Variants in PLXNA4 observed in about 807,000 individuals in gnomAD.
PLXNA4 encodes plexin-A4.
PLXNA4 carries 44 observed loss-of-function variants against 191.8 expected under a neutral mutation model. The observed-to-expected ratio is 0.23, with a 90% confidence interval of 0.18 to 0.29. PLXNA4 has a LOEUF of 0.29. PLXNA4 is among the 10% of genes least tolerant of loss of function. The pLI, the probability that PLXNA4 is intolerant of heterozygous loss-of-function variation, is 1.00. For synonymous variants in PLXNA4, 1,082 were observed against 1,009.5 expected (o/e 1.07, Z -1.36); for missense variants, 1,800 against 2,488.8 (o/e 0.72, Z 5.89).
At chr7:132,515,138 G>T (rs1563145664) in intron 1 of PLXNA4, among the ~76,000 whole-genome samples, 1 of 152,154 alleles carries the variant, frequency 6.6e-6, no homozygotes, top group Non-Finnish European at 1.5e-5. Context: ...GAAAGTTCTA[G>T]CTCTTCCACC....
intron 3 of PLXNA4, among the ~76,000 whole-genome samples, chr7:132,403,256 T>C (rs536976114): frequency 7.9e-4 from 121 of 152,340 alleles, no homozygotes; most frequent in African/African-American, 2.7e-3. Context: ...ATGCTGGCAA[T>C]GCACTGCCCC....
In PLXNA4 at chr7:132,132,380, TTGTTCTGTTCTGTTCTGTTCTGTTC is replaced by T. The variant is rs1156315109; in HGVS notation, c.5589+644_5589+668del. ...GAACAAAACAGAAAACACATTCTAT[TTGTTCTGTTCTGTTCTGTTCTGTTC>T]TGTTCTGTTCTGTTCTGTTCTGTTC... On this transcript the variant is annotated intron_variant, in intron 31 of 31. Coordinates refer to ENST00000321063, the MANE Select transcript of PLXNA4 (RefSeq NM_020911.2). 1.9e-3 allele frequency among the ~76,000 whole-genome samples: 243 copies of T among 129,014 alleles called. 8 individuals carry two copies. The highest frequency in any genetic ancestry group is 4.6e-3 in the East Asian group (18 of 3,934). The allele number at this position is 129,014 out of a possible 152,430, so 84.6% of individuals were successfully genotyped here. A position where few individuals can be genotyped will look rare whatever the true frequency, so the allele number is the denominator to read the frequency against.
chr7:132,514,242 G>A (rs936151565), intron 1 of PLXNA4, among the ~76,000 whole-genome samples: 2 of 151,402 alleles, frequency 1.3e-5, no homozygotes, highest in East Asian at 2.0e-4. Flanking sequence ...TAGTAGAGAC[G>A]GGGTTTCACC....
chr7:132,411,816 C>G (rs1190268483), intron 3 of PLXNA4, among the ~76,000 whole-genome samples: 1 of 152,212 alleles, frequency 6.6e-6, no homozygotes, highest in Non-Finnish European at 1.5e-5. Context: ...AGCTTGGTCT[C>G]TCATTCACAT....
At chr7:132,356,994 C>T (rs1458878727) in intron 3 of PLXNA4, among the ~76,000 whole-genome samples, 2 of 152,130 alleles carry the variant, frequency 1.3e-5, no homozygotes, top group Non-Finnish European at 2.9e-5. Flanking sequence ...TGTGAAACCA[C>T]CTGTTTCCAA....
chr7:132,592,718 T>C (rs1257156100), intron 2 of PLXNA4, among the ~76,000 whole-genome samples: 1 of 151,964 alleles, frequency 6.6e-6, no homozygotes, highest in Non-Finnish European at 1.5e-5. Context: ...CTGAAGCCCC[T>C]CTCAAATGAA....
intron 3 of PLXNA4, among the ~76,000 whole-genome samples, chr7:132,433,618 C>T (rs1028779843): frequency 1.3e-5 from 2 of 152,144 alleles, no homozygotes; most frequent in Non-Finnish European, 2.9e-5. Context: ...GAAAAGAGAA[C>T]CAGCTGGACA....
At chr7:132,292,702 C>A (rs1800937740) in intron 4 of PLXNA4, among the ~76,000 whole-genome samples, 1 of 152,154 alleles carries the variant, frequency 6.6e-6, no homozygotes, top group Non-Finnish European at 1.5e-5. Context: ...AAGGTCCCTG[C>A]CCTCCAGGAA....
chr7:132,174,683 G>A (rs1325964863), intron 21 of PLXNA4, 95 bp downstream of exon 21: 1 of 1,544,866 alleles, frequency 6.5e-7, no homozygotes, highest in African/African-American at 1.4e-5. Flanking sequence ...CCCCTCCCTG[G>A]CCTTAGTTTT....
chr7:132,210,950 T>A lies in PLXNA4; in HGVS notation c.2291A>T (p.Asn764Ile). 6.2e-7 allele frequency: 1 copy of A among 1,612,026 alleles called. No homozygotes were observed. The highest frequency in any genetic ancestry group is 8.5e-7 in the Non-Finnish European group (1 of 1,179,808). Residue 764 changes from asparagine (N) to isoleucine (I), a missense_variant, in exon 10 of 32, where the codon AAC becomes ATC. Asn to Ile is a moderately radical substitution (Grantham distance 149). Coordinates refer to ENST00000321063, the MANE Select transcript of PLXNA4 (RefSeq NM_020911.2). ...CAGGGTTGGGCGACTCACAGAGGTGTTCTGGCACTGTACGCTGGAGCTGTT... is the reference window on the plus strand; with the variant it reads ...CAGGGTTGGGCGACTCACAGAGGTGATCTGGCACTGTACGCTGGAGCTGTT... ...RFNSSSVQCQ[N>I]TSYSYEGMEI...
At chr7:132,370,062 T>C (rs928782139) in intron 3 of PLXNA4, among the ~76,000 whole-genome samples, 5 of 116,200 alleles carry the variant, frequency 4.3e-5, no homozygotes, top group Admixed American at 3.5e-4. Flanking sequence ...AGTGAGACTC[T>C]GACTCAAAAA....
intron 3 of PLXNA4, among the ~76,000 whole-genome samples, chr7:132,459,817 T>C (rs1384307758): frequency 6.6e-6 from 1 of 152,222 alleles, no homozygotes; most frequent in East Asian, 1.9e-4. Flanking sequence ...CCTTCCGGTT[T>C]CGATGATCTA....
intron 3 of PLXNA4, among the ~76,000 whole-genome samples, chr7:132,398,230 C>A (rs1793839352): frequency 1.3e-5 from 2 of 152,316 alleles, no homozygotes; most frequent in East Asian, 1.9e-4. Context: ...CCATTTGAAA[C>A]CTTTGGATCA....
intron 3 of PLXNA4, among the ~76,000 whole-genome samples, chr7:132,303,532 G>A (rs757805335): frequency 6.6e-6 from 1 of 152,124 alleles, no homozygotes; most frequent in African/African-American, 2.4e-5. Context: ...TGGTGCTACT[G>A]CACTCCAGCC....
At chr7:132,365,414 A>G (rs1474186609) in intron 3 of PLXNA4, among the ~76,000 whole-genome samples, 1 of 148,786 alleles carries the variant, frequency 6.7e-6, no homozygotes, top group East Asian at 2.0e-4. Flanking sequence ...GGTTAGGCTG[A>G]AAGTCAGAAA....
chr7:132,297,542 G>A (rs11763817), intron 4 of PLXNA4, among the ~76,000 whole-genome samples: 5,736 of 152,130 alleles, frequency 0.038, 164 homozygotes, highest in Middle Eastern at 0.068. Flanking sequence ...TGTTCTTCTC[G>A]GGTGGGCTCC....
intron 3 of PLXNA4, among the ~76,000 whole-genome samples, chr7:132,433,676 C>G (rs1413349602): frequency 6.6e-6 from 1 of 152,046 alleles, no homozygotes; most frequent in East Asian, 1.9e-4. Context: ...CACAATTTAC[C>G]CCTTAGAAGG....
chr7:132,164,653 G>A (rs567645535), intron 23 of PLXNA4, among the ~76,000 whole-genome samples: 1 of 151,866 alleles, frequency 6.6e-6, no homozygotes, highest in Non-Finnish European at 1.5e-5. Flanking sequence ...GGTCAGTCCT[G>A]GGTGGCAAGA....
intron 3 of PLXNA4, among the ~76,000 whole-genome samples, chr7:132,334,941 C>G (rs565053260): frequency 2.8e-4 from 42 of 152,274 alleles, no homozygotes; most frequent in African/African-American, 9.4e-4. Flanking sequence ...TTCAATTACC[C>G]AGAATGTCAG....
Sources: allele counts gnomAD v4.1 joint callset (sites outside exome capture counted in the v4.1 genomes callset), GRCh38; gene constraint gnomAD v4.1.1; transcripts MANE v1.5; gene names NCBI Gene and HGNC (gene_info 2026-07-23, HGNC 2026-07-21).